KLHL24: variants seen among roughly 807,000 people sequenced by gnomAD.
KLHL24 encodes the protein kelch like family member 24.
In KLHL24, 29 loss-of-function variants were observed where a neutral mutation model predicts 53.4. That is an observed-to-expected ratio of 0.54 (90% CI 0.40 to 0.74). KLHL24 has a LOEUF of 0.74. KLHL24 is among the 30% of genes least tolerant of loss of function. KLHL24 has a pLI of 0.00. For synonymous variants in KLHL24, 222 were observed against 253.7 expected (o/e 0.88, Z 1.19); for missense variants, 504 against 744.0 (o/e 0.68, Z 3.75).
At chr3:183,652,187 A>AGG (rs1475841471) in intron 3 of KLHL24, among the ~76,000 whole-genome samples, 1 of 152,184 alleles carries the variant, frequency 6.6e-6, no homozygotes, top group East Asian at 1.9e-4. Flanking sequence ...AATTTGGAAA[A>AGG]TGTGTGCTTA....
chr3:183,672,631 G>A (rs568303296), intron 7 of KLHL24, 147 bp downstream of exon 7: 5 of 471,328 alleles, frequency 1.1e-5, no homozygotes, highest in Admixed American at 7.7e-5. Flanking sequence ...TTGGGAGGCC[G>A]AGGTGGATAG....
Position 183,681,231 on chromosome 3 carries a change from A to C in KLHL24, c.*1945A>C, listed in dbSNP as rs1712643771. 6.6e-6 allele frequency: 1 copy of C among 152,324 alleles called. No homozygotes were observed. Among genetic ancestry groups the C allele is most frequent in the Non-Finnish European group, 1.5e-5 (1 of 67,928 alleles). 9.4% of individuals were successfully genotyped at this position (152,324 alleles called of 1,614,324 possible). A position where few individuals can be genotyped will look rare whatever the true frequency, so the allele number is the denominator to read the frequency against. On this transcript the variant is annotated 3_prime_UTR_variant, in exon 8 of 8. Transcript: ENST00000242810. ...TCTGCATTATACTCTTATAGATAAT[A>C]GAATTATTTAGTTAAGAAATTCTTT...
At chr3:183,675,997 CTT>C (rs1711784857) in intron 7 of KLHL24, among the ~76,000 whole-genome samples, 1 of 152,050 alleles carries the variant, frequency 6.6e-6, no homozygotes, top group Non-Finnish European at 1.5e-5. Flanking sequence ...CATTCATTGA[CTT>C]TAGAAATTTA....
chr3:183,648,632 A>C (rs1717669976), intron 2 of KLHL24, among the ~76,000 whole-genome samples: 1 of 152,176 alleles, frequency 6.6e-6, no homozygotes, highest in African/African-American at 2.4e-5. Flanking sequence ...TAAACCAATT[A>C]CTAATACACT....
intron 7 of KLHL24, among the ~76,000 whole-genome samples, chr3:183,675,305 G>A (rs1711641282): frequency 6.6e-6 from 1 of 152,090 alleles, no homozygotes; most frequent in Non-Finnish European, 1.5e-5. Flanking sequence ...TTGACATTGA[G>A]GTATAGTCTC....
intron 7 of KLHL24, chr3:183,672,691 C>A: frequency 1.4e-5 from 4 of 291,528 alleles, no homozygotes; most frequent in Non-Finnish European, 2.5e-5. Flanking sequence ...ATGGTGAAAC[C>A]CCGTCTCTAC....
rs34997108 is a variant in KLHL24, at chr3:183,646,051, T to TGG, written c.-62+2509_-62+2510insGG. 2.6e-4 allele frequency among the ~76,000 whole-genome samples: 38 copies of TGG among 148,786 alleles called. 1 individual carries two copies. The highest frequency in any genetic ancestry group is 8.7e-4 in the African/African-American group (35 of 40,414). ...CATTTGAAATTTTCTGGGTTTTTTG[T>TGG]TTTGTTTTTTTTTTAACTTAGAAAT... On this transcript the variant is annotated intron_variant, in intron 2 of 7. Transcript: ENST00000242810.
chr3:183,637,117 G>A (rs975592471), intron 1 of KLHL24, among the ~76,000 whole-genome samples: 1 of 152,244 alleles, frequency 6.6e-6, no homozygotes, highest in African/African-American at 2.4e-5. Flanking sequence ...CCCTGAGGCA[G>A]TGGCTGTTCA....
intron 1 of KLHL24, among the ~76,000 whole-genome samples, chr3:183,638,412 C>T (rs1312118283): frequency 6.6e-6 from 1 of 150,838 alleles, no homozygotes; most frequent in Admixed American, 6.6e-5. Flanking sequence ...AAAATAAATA[C>T]TATTAATCAA....
chr3:183,679,304 G>A lies in KLHL24; in HGVS notation c.*18G>A, dbSNP rs771802491. On this transcript the variant is annotated 3_prime_UTR_variant, in exon 8 of 8. Transcript: ENST00000242810. ...AACTCTGAAGACAGGATACCTCACC[G>A]AAGAAGCCACACTGATCCAAGATGG... 8 of 1,596,614 alleles carry A rather than the reference G, an allele frequency of 5.0e-6. No individual in the cohort carries two copies. Among genetic ancestry groups the A allele is most frequent in the Non-Finnish European group, 5.2e-6 (6 of 1,164,868 alleles).
intron 3 of KLHL24, among the ~76,000 whole-genome samples, chr3:183,655,002 T>C (rs894679476): frequency 6.6e-6 from 1 of 152,240 alleles, no homozygotes; most frequent in Admixed American, 6.5e-5. Context: ...TAACTCTGGT[T>C]TAGGGTGGTG....
At chr3:183,658,462 T>A (rs1481864059) in intron 3 of KLHL24, among the ~76,000 whole-genome samples, 1 of 152,200 alleles carries the variant, frequency 6.6e-6, no homozygotes, top group Non-Finnish European at 1.5e-5. Context: ...TTTTATTTAA[T>A]CAATCTCTTT....
At chr3:183,641,009 C>T (rs1716340642) in intron 1 of KLHL24, among the ~76,000 whole-genome samples, 2 of 152,248 alleles carry the variant, frequency 1.3e-5, no homozygotes, top group Middle Eastern at 3.4e-3. Context: ...ATTTGTAAAA[C>T]ATGGTCCAGG....
chr3:183,676,472 G>A (rs979462557), intron 7 of KLHL24, among the ~76,000 whole-genome samples: 15 of 152,058 alleles, frequency 9.9e-5, no homozygotes, highest in Non-Finnish European at 1.3e-4. Flanking sequence ...CGATGAAAAA[G>A]GATAAATCAA....
intron 3 of KLHL24, among the ~76,000 whole-genome samples, chr3:183,660,551 C>T (rs1226877279): frequency 6.6e-6 from 1 of 151,992 alleles, no homozygotes; most frequent in Non-Finnish European, 1.5e-5. Context: ...AATTTTCTAC[C>T]ATTAAGTAAG....
intron 3 of KLHL24, among the ~76,000 whole-genome samples, chr3:183,658,313 T>C (rs952516715): frequency 6.6e-6 from 1 of 152,204 alleles, no homozygotes; most frequent in Non-Finnish European, 1.5e-5. Context: ...GCACCTTGCA[T>C]TTCCCACTTA....
intron 2 of KLHL24, among the ~76,000 whole-genome samples, chr3:183,649,980 C>G (rs1409921973): frequency 6.6e-6 from 1 of 151,526 alleles, no homozygotes; most frequent in Non-Finnish European, 1.5e-5. Flanking sequence ...TCTGACTTAA[C>G]TCTACAGTCA....
intron 3 of KLHL24, among the ~76,000 whole-genome samples, chr3:183,661,707 G>A (rs1431654686): frequency 6.6e-6 from 1 of 152,018 alleles, no homozygotes; most frequent in Admixed American, 6.6e-5. Context: ...ATGTTTATTG[G>A]GCTAAGAAGT....
At chr3:183,636,173 C>G (rs1391100405) in intron 1 of KLHL24, 1 of 152,242 alleles carries the variant, frequency 6.6e-6, no homozygotes, top group Non-Finnish European at 1.5e-5. Context: ...CAGACGGGTG[C>G]TGCTTGTTGC....
Sources: gnomAD v4.1 joint callset for allele counts (sites outside exome capture counted in the v4.1 genomes callset) on GRCh38, gnomAD v4.1.1 for gene constraint, MANE v1.5 for transcripts, NCBI Gene and HGNC (gene_info 2026-07-23, HGNC 2026-07-21) for gene names.